COL4A5: variants seen among roughly 807,000 people sequenced by gnomAD.
The protein encoded by COL4A5 is collagen type IV alpha 5 chain, also known as collagen alpha-5(IV) chain.
In COL4A5, 26 loss-of-function variants were observed where a neutral mutation model predicts 130.2. That is an observed-to-expected ratio of 0.20 (90% CI 0.15 to 0.28). The LOEUF is 0.28. Ranked by LOEUF, COL4A5 falls within the 10% of genes least tolerant of loss-of-function variation. COL4A5 has a pLI of 1.00. For synonymous variants in COL4A5, 496 were observed against 439.6 expected (o/e 1.13, Z -1.60); for missense variants, 1,131 against 1,344.3 (o/e 0.84, Z 2.48).
intron 36 of COL4A5, among the ~76,000 whole-genome samples, chrX:108,643,784 G>A (rs1277717892): frequency 9.0e-6 from 1 of 111,264 alleles, no homozygotes; most frequent in Non-Finnish European, 1.9e-5. Context: ...AATCACATAG[G>A]ACCTACAAAA....
intron 1 of COL4A5, among the ~76,000 whole-genome samples, chrX:108,490,416 G>A (rs1603254985): frequency 9.0e-6 from 1 of 111,253 alleles, no homozygotes; most frequent in East Asian, 2.8e-4. Flanking sequence ...CCAACACATT[G>A]CGTTATCAAA....
At chrX:108,467,813 C>G (rs2064722215) in intron 1 of COL4A5, among the ~76,000 whole-genome samples, 2 of 111,401 alleles carry the variant, frequency 1.8e-5, no homozygotes, top group African/African-American at 6.5e-5. Context: ...CATTTGGGCT[C>G]TATAGAAATA....
At chrX:108,477,245 C>A (rs1224197436) in intron 1 of COL4A5, among the ~76,000 whole-genome samples, 1 of 111,364 alleles carries the variant, frequency 9.0e-6, no homozygotes, top group Non-Finnish European at 1.9e-5. Flanking sequence ...ACAAGTCCAC[C>A]CCTTGTCAAC....
chrX:108,545,327 T>C (rs143939155), intron 2 of COL4A5, among the ~76,000 whole-genome samples: 27,059 of 110,756 alleles, frequency 0.24, 2,788 homozygotes, highest in East Asian at 0.57. Flanking sequence ...CTCGTTGGTT[T>C]CAAAGAACAT....
chrX:108,686,519 A>AG (rs2068548325), intron 48 of COL4A5, among the ~76,000 whole-genome samples: 1 of 112,111 alleles, frequency 8.9e-6, no homozygotes, highest in Non-Finnish European at 1.9e-5. Flanking sequence ...ATATAAATGA[A>AG]CAGTTTAAGT....
In COL4A5 at chrX:108,558,553, G is replaced by A. The variant is rs982933964; in HGVS notation, c.142-511G>A. On this transcript the variant is annotated intron_variant, in intron 2 of 52. Coordinates refer to ENST00000328300, the MANE Select transcript of COL4A5 (RefSeq NM_033380.3). ...ATTCTGAGTAAAGGAATTAATGGTGGTATTTTCTTTATACTTTTGTTTTCT... is the reference window on the plus strand; with the variant it reads ...ATTCTGAGTAAAGGAATTAATGGTGATATTTTCTTTATACTTTTGTTTTCT... Among the ~76,000 whole-genome samples, 3 of 111,385 alleles carry A rather than the reference G, an allele frequency of 2.7e-5. No homozygotes were observed. In the Admixed American group the frequency reaches 2.9e-4, roughly 11 times the overall value.
At chrX:108,592,780 T>C (rs187083066) in intron 21 of COL4A5, among the ~76,000 whole-genome samples, 2 of 108,966 alleles carry the variant, frequency 1.8e-5, no homozygotes, top group East Asian at 5.7e-4. Context: ...TGTGTGTGTG[T>C]ATGTGTATCC....
chrX:108,635,076 T>G (rs1294881151), intron 36 of COL4A5, among the ~76,000 whole-genome samples: 3 of 111,300 alleles, frequency 2.7e-5, no homozygotes, highest in Non-Finnish European at 3.8e-5. Context: ...GCAGCTCTGT[T>G]AGTCAAAAAG....
chrX:108,575,904 TA>T lies in COL4A5; in HGVS notation c.547-4del. 8.6e-7 allele frequency: 1 copy of T among 1,158,505 alleles called. No homozygotes were observed. ...TTCATCATTTTCTTTACTCACTTTATAACAGGGCCTACCTGGTCCCACTGGT... is the reference window on the plus strand; with the variant it reads ...TTCATCATTTTCTTTACTCACTTTATACAGGGCCTACCTGGTCCCACTGGT... On this transcript the variant is annotated splice_polypyrimidine_tract_variant and splice_region_variant and intron_variant, in intron 9 of 52. Coordinates refer to ENST00000328300, the MANE Select transcript of COL4A5 (RefSeq NM_033380.3).
At chrX:108,683,090 T>TATGG (rs2068469421) in intron 47 of COL4A5, among the ~76,000 whole-genome samples, 13 of 111,691 alleles carry the variant, frequency 1.2e-4, no homozygotes, top group African/African-American at 4.2e-4. Flanking sequence ...AAGGAAGGGG[T>TATGG]CCAGTTTCAG....
intron 49 of COL4A5, among the ~76,000 whole-genome samples, chrX:108,690,403 C>T (rs769955918): frequency 4.5e-5 from 5 of 111,583 alleles, no homozygotes; most frequent in Admixed American, 1.9e-4. Flanking sequence ...TAGTCTTATG[C>T]CAAATCCATT....
chrX:108,676,442 T>C (rs1026295220), intron 43 of COL4A5, among the ~76,000 whole-genome samples: 16 of 111,588 alleles, frequency 1.4e-4, no homozygotes, highest in Non-Finnish European at 2.1e-4. Context: ...TGATAAGATC[T>C]CCCTGGTTGC....
chrX:108,655,547 T>G, intron 37 of COL4A5, 90 bp downstream of exon 37: 1 of 1,043,583 alleles, frequency 9.6e-7, no homozygotes, highest in Non-Finnish European at 1.3e-6. Flanking sequence ...GGCAGACTTA[T>G]ATTTTATTTC....
rs1462839575 is a variant in COL4A5, at chrX:108,687,560, C to A, written c.4394C>A (p.Ala1465Glu). 8.3e-7 allele frequency: 1 copy of A among 1,211,580 alleles called. No homozygotes were observed. The change falls in exon 49 of 53, where the codon GCA (alanine) becomes GAA (glutamate). Residue 1465 changes from alanine to glutamate, a missense_variant. Ala to Glu is a moderately radical substitution (Grantham distance 107, BLOSUM62 -1). Transcript: ENST00000328300. ...PPGPPGTSSV[A>E]HGFLITRHSQ... ...GGTCCCCCTGGAACCTCCTCTGTTGCACATGGATTTCTTATTACACGCCAC... is the reference window on the plus strand; with the variant it reads ...GGTCCCCCTGGAACCTCCTCTGTTGAACATGGATTTCTTATTACACGCCAC...
At chrX:108,611,393 A>G (rs1289263707) in intron 29 of COL4A5, among the ~76,000 whole-genome samples, 1 of 111,070 alleles carries the variant, frequency 9.0e-6, no homozygotes, top group African/African-American at 3.3e-5. Flanking sequence ...CTTAAGGGAA[A>G]GGTGTTCCGG....
chrX:108,440,635 G>T lies in COL4A5; in HGVS notation c.81+429G>T, dbSNP rs773103451. On this transcript the variant is annotated intron_variant, in intron 1 of 52. Coordinates refer to ENST00000328300, the MANE Select transcript of COL4A5 (RefSeq NM_033380.3). The stretch of plus-strand genomic sequence containing the variant: ...CTGTAGTTTAATATTTTGGCTCTTC[G>T]AAAATCCAGCTTCCATCAAAGTGTT... 20 of 140,700 alleles carry T rather than the reference G, an allele frequency of 1.4e-4. No individual in the cohort carries two copies. In the South Asian group the frequency reaches 3.8e-3, roughly 27 times the overall value. The allele number at this position is 140,700 out of a possible 1,213,427, so 11.6% of individuals were successfully genotyped here. A position where few individuals can be genotyped will look rare whatever the true frequency, so the allele number is the denominator to read the frequency against.
intron 1 of COL4A5, among the ~76,000 whole-genome samples, chrX:108,516,788 C>T (rs189036035): frequency 9.0e-6 from 1 of 111,568 alleles, no homozygotes; most frequent in East Asian, 2.8e-4. Flanking sequence ...TCACCATTCT[C>T]GACCACTAAT....
intron 2 of COL4A5, among the ~76,000 whole-genome samples, chrX:108,545,845 C>A (rs2065641150): frequency 9.1e-6 from 1 of 109,976 alleles, no homozygotes; most frequent in South Asian, 3.9e-4. Flanking sequence ...TTGAATTGAT[C>A]CCTTTACCAT....
At chrX:108,695,566 C>G in intron 52 of COL4A5, 127 bp downstream of exon 52, 1 of 709,515 alleles carries the variant, frequency 1.4e-6, no homozygotes. Context: ...GTACTTTATT[C>G]TTGCTTGTTC....
Sources: gnomAD v4.1 joint callset for allele counts (sites outside exome capture counted in the v4.1 genomes callset) on GRCh38, gnomAD v4.1.1 for gene constraint, MANE v1.5 for transcripts, NCBI Gene and HGNC (gene_info 2026-07-23, HGNC 2026-07-21) for gene names.